Variants in RUBCN observed in about 807,000 individuals in gnomAD.
RUBCN encodes the protein run domain Beclin-1-interacting and cysteine-rich domain-containing protein.
A neutral mutation model predicts 113.2 loss-of-function variants in RUBCN; 74 were observed. The ratio of observed to expected loss-of-function variants is 0.65; its 90% CI spans 0.54 to 0.79. The LOEUF is 0.79. Among genes scored for constraint, RUBCN ranks in the 30% least tolerant of loss-of-function variants. The probability of loss-of-function intolerance (pLI) is 0.00; values close to 1 mark genes in which losing one functional copy is unlikely to be tolerated. For synonymous variants in RUBCN, 480 were observed against 490.0 expected, an observed-to-expected ratio of 0.98 and a Z score of 0.27; for missense variants, 1,109 against 1,251.7, an observed-to-expected ratio of 0.89 and a Z score of 1.72.
intron 6 of RUBCN, among the ~76,000 whole-genome samples, 183 bp from the exon 7 acceptor site, chr3:197,701,329 T>A (rs1723643265): frequency 6.6e-6 from 1 of 152,202 alleles, no homozygotes; most frequent in Non-Finnish European, 1.5e-5. Flanking sequence ...CTTTATTGCT[T>A]ATTAGTATGC....
Position 197,701,854 on chromosome 3 carries a change from T to A in RUBCN, c.581A>T (p.Lys194Met). The stretch of plus-strand genomic sequence containing the variant: ...TGTCACCAGGAGCGGGCTCTCGTGC[T>A]TTCTGGCAAACTAAAAAGCAAAACA... ...AQIDASMFARKHESPLLVTKS... is the reference protein window; with the variant it reads ...AQIDASMFARMHESPLLVTKS... The change falls in exon 6 of 20, where the codon AAG becomes ATG. Residue 194 changes from lysine to methionine, a missense_variant. By Grantham distance (95) the Lys-to-Met change is moderately conservative (BLOSUM62 -1). Around this residue, in one of 3 missense-constraint regions of RUBCN, gnomAD observed 736 missense variants for 779.6 expected, o/e 0.94. Coordinates refer to ENST00000296343, the MANE Select transcript of RUBCN (RefSeq NM_014687.4). The A allele has an allele frequency of 6.2e-7, 1 of 1,614,122 alleles. No individual in the cohort carries two copies. Among genetic ancestry groups the A allele is most frequent in the Admixed American group, 1.7e-5 (1 of 60,012 alleles).
chr3:197,729,169 T>C (rs575744847), intron 1 of RUBCN, among the ~76,000 whole-genome samples: 1 of 149,416 alleles, frequency 6.7e-6, no homozygotes, highest in East Asian at 2.0e-4. Flanking sequence ...AAAGATTCAA[T>C]ACCAGGGTGA....
upstream of RUBCN, among the ~76,000 whole-genome samples, chr3:197,738,056 G>T (rs1211120307): frequency 1.3e-5 from 2 of 152,172 alleles, no homozygotes; most frequent in Non-Finnish European, 2.9e-5. Flanking sequence ...ACCTAGCTAT[G>T]ATATTTTGAT....
intron 11 of RUBCN, among the ~76,000 whole-genome samples, chr3:197,693,204 T>C (rs1722624322): frequency 6.6e-6 from 1 of 152,060 alleles, no homozygotes; most frequent in Non-Finnish European, 1.5e-5. Context: ...CCACCACCAA[T>C]AAAAACAGAG....
intron 2 of RUBCN, among the ~76,000 whole-genome samples, chr3:197,717,463 C>A (rs1450075021): frequency 1.3e-5 from 2 of 149,072 alleles, no homozygotes; most frequent in Non-Finnish European, 3.0e-5. Flanking sequence ...AAGGGGGGGG[C>A]AGAGAGAGAT....
intron 11 of RUBCN, among the ~76,000 whole-genome samples, chr3:197,688,188 G>A (rs997107163): frequency 3.3e-5 from 5 of 152,188 alleles, no homozygotes; most frequent in East Asian, 1.9e-4. Flanking sequence ...CACCACACCC[G>A]ACTAATTTTT....
At chr3:197,715,009 G>T (rs916802113) in intron 2 of RUBCN, among the ~76,000 whole-genome samples, 1 of 152,036 alleles carries the variant, frequency 6.6e-6, no homozygotes. Context: ...AAGAAACTCG[G>T]CTAGGCGCAG....
At chr3:197,714,041 A>G (rs578190358) in intron 2 of RUBCN, among the ~76,000 whole-genome samples, 3 of 152,096 alleles carry the variant, frequency 2.0e-5, no homozygotes, top group African/African-American at 7.2e-5. Flanking sequence ...ACGCCACTGC[A>G]CTCCAGCCTG....
chr3:197,680,031 C>T (rs1317457355), intron 16 of RUBCN, among the ~76,000 whole-genome samples: 2 of 151,536 alleles, frequency 1.3e-5, no homozygotes, highest in East Asian at 3.9e-4. Context: ...TGGCTTCAGA[C>T]TGTCCTACGC....
chr3:197,718,222 G>T (rs1725766473), intron 1 of RUBCN, 92 bp from the exon 2 acceptor site: 4 of 1,376,368 alleles, frequency 2.9e-6, no homozygotes, highest in Admixed American at 3.5e-5. Flanking sequence ...GGAGCCTCCT[G>T]CCCCACATCC....
In RUBCN at chr3:197,674,835, T is replaced by A. The variant is rs1300398526; in HGVS notation, c.*183A>T. The A allele has an allele frequency of 3.6e-6, 2 of 550,548 alleles. No individual in the cohort carries two copies. The highest frequency in any genetic ancestry group is 4.4e-5 in the African/African-American group (2 of 45,438). 34.1% of individuals were successfully genotyped at this position (550,548 alleles called of 1,614,324 possible). ...TCTGTCACCACAGACTCTGGACCCA[T>A]CAACCTGCCGACGGCTGACTGCACA... On this transcript the variant is annotated 3_prime_UTR_variant, in exon 20 of 20. Transcript: ENST00000296343.
At chr3:197,688,546 ACCCTGACTAGATAC>A (rs1181583653) in intron 11 of RUBCN, among the ~76,000 whole-genome samples, 2 of 152,192 alleles carry the variant, frequency 1.3e-5, no homozygotes, top group Non-Finnish European at 2.9e-5. Context: ...TCCTGATCGG[ACCCTGACTAGATAC>A]ATCTATGCAC....
At chr3:197,731,580 G>T (rs1727474495) in intron 1 of RUBCN, among the ~76,000 whole-genome samples, 1 of 151,814 alleles carries the variant, frequency 6.6e-6, no homozygotes. Context: ...ACCGGGCAGA[G>T]GCGCCCCTCA....
rs1157607407 is a variant in RUBCN at position 197,674,959 on chromosome 3, G to A, written c.*59C>T. The A allele has an allele frequency of 3.4e-6, 5 of 1,471,570 alleles. No homozygotes were observed. Among genetic ancestry groups the A allele is most frequent in the African/African-American group, 1.4e-5 (1 of 71,252 alleles). The allele number at this position is 1,471,570 out of a possible 1,614,324, so 91.2% of individuals were successfully genotyped here. Reference sequence around the variant, plus strand: ...CCAGGTGGGGCGAGTCCTTCAAAGAGTGGCTCAGTTCTGCAACAGGTGTGA... The same window carrying A: ...CCAGGTGGGGCGAGTCCTTCAAAGAATGGCTCAGTTCTGCAACAGGTGTGA... On this transcript the variant is annotated 3_prime_UTR_variant, in exon 20 of 20. Coordinates refer to ENST00000296343, the MANE Select transcript of RUBCN (RefSeq NM_014687.4).
At position 197,675,463 on chromosome 3, in the gene RUBCN, A is replaced by T; in HGVS notation, c.2699T>A (p.Ile900Asn). The change falls in exon 19 of 20, where the codon ATC (isoleucine) becomes AAC (asparagine). Residue 900 changes from isoleucine to asparagine, a missense_variant. Physicochemically the swap from Ile to Asn is moderately radical, Grantham distance 149. This residue lies in a region of RUBCN where 306 missense variants were observed against 348.9 expected (regional missense o/e 0.88). Transcript: ENST00000296343. The surrounding 1 kb of genome is among the most constrained non-coding windows in gnomAD (Gnocchi z 4.4). ...ICEFCQNEDDIIFPFELHKCR... is the reference protein window; with the variant it reads ...ICEFCQNEDDNIFPFELHKCR... ...CTTATGGAGCTCAAAGGGAAAGATG[A>T]TGTCATCCTCATTCTGACAGAACTC... 6.2e-7 allele frequency: 1 copy of T among 1,614,112 alleles called. No homozygotes were observed. Among genetic ancestry groups the T allele is most frequent in the South Asian group, 1.1e-5 (1 of 91,080 alleles).
rs553877517 is a variant in RUBCN at position 197,712,985 on chromosome 3, G to A, written c.219+4992C>T. Among the ~76,000 whole-genome samples the A allele has an allele frequency of 3.1e-4, 47 of 151,774 alleles. No homozygotes were observed. The South Asian group carries it at 8.1e-3, about 26-fold the overall frequency. ...AGCGATTCTCCTGCCTCAGCCTCCC[G>A]AGTAGCTGGGATTACAGGCATGCAC... On this transcript the variant is annotated intron_variant, in intron 2 of 19. Coordinates refer to ENST00000296343, the MANE Select transcript of RUBCN (RefSeq NM_014687.4).
chr3:197,684,095 G>C, intron 12 of RUBCN, 62 bp downstream of exon 12: 1 of 1,337,660 alleles, frequency 7.5e-7, no homozygotes, highest in Non-Finnish European at 1.1e-6. Context: ...CAAGAACTGG[G>C]TTTGTTTCTC....
At chr3:197,734,024 G>A (rs1457565258) in intron 1 of RUBCN, among the ~76,000 whole-genome samples, 1 of 152,130 alleles carries the variant, frequency 6.6e-6, no homozygotes, top group Non-Finnish European at 1.5e-5. Flanking sequence ...GGGAGGCGGA[G>A]GCTGGTAGAT....
At chr3:197,699,241 G>T (rs1399088443) in intron 7 of RUBCN, 1 of 1,542,874 alleles carries the variant, frequency 6.5e-7, no homozygotes, top group Non-Finnish European at 8.8e-7. Flanking sequence ...CCTGCCGGTA[G>T]ACAGACAGGT....
Sources: allele counts gnomAD v4.1 joint callset (sites outside exome capture counted in the v4.1 genomes callset), GRCh38; gene constraint gnomAD v4.1.1; regional missense constraint gnomAD v4.1.1; non-coding constraint Gnocchi (gnomAD v3.1); transcripts MANE v1.5; gene names NCBI Gene and HGNC (gene_info 2026-07-23, HGNC 2026-07-21).